The following PPP3R1 variants were observed in gnomAD, a reference collection of about 807,000 sequenced individuals.
The protein encoded by PPP3R1 is calcineurin subunit B type 1.
Under a neutral mutation model 22.6 loss-of-function variants are expected in PPP3R1, and 5 were observed. The observed-to-expected ratio is 0.22, with a 90% CI of 0.12 to 0.46. PPP3R1 has a LOEUF of 0.46. Among genes scored for constraint, PPP3R1 ranks in the 20% least tolerant of loss-of-function variants. The pLI is 0.99. For synonymous variants in PPP3R1, 56 were observed against 65.2 expected (o/e 0.86, Z 0.68); for missense variants, 61 against 203.2 (o/e 0.30, Z 4.25).
At chr2:68,196,243 G>GT (rs1674769840) in intron 2 of PPP3R1, among the ~76,000 whole-genome samples, 1 of 152,096 alleles carries the variant, frequency 6.6e-6, no homozygotes, top group Non-Finnish European at 1.5e-5. Flanking sequence ...AAGCTTTACA[G>GT]TTTTTTATAA....
chr2:68,198,059 T>G (rs1440906520), intron 2 of PPP3R1, among the ~76,000 whole-genome samples: 2 of 54,962 alleles, frequency 3.6e-5, no homozygotes, highest in Admixed American at 2.8e-4. Context: ...ACGGCACCTT[T>G]GGCAAAAAAA....
At chr2:68,224,223 A>T (rs1669741128) in intron 1 of PPP3R1, among the ~76,000 whole-genome samples, 1 of 152,198 alleles carries the variant, frequency 6.6e-6, no homozygotes, top group Non-Finnish European at 1.5e-5. Context: ...TATAGAAGAC[A>T]ATCCTAATAA....
chr2:68,252,333 G>A lies in PPP3R1; in HGVS notation c.-206C>T, dbSNP rs987975660. On this transcript the variant is annotated 5_prime_UTR_variant, in exon 1 of 6. Transcript: ENST00000234310. Reference sequence around the variant, plus strand: ...ACGCGAGGGAGCGGGCAGGGTAGGGGGAAATAAATTAAGGTCGAGATTCAG... The same window carrying A: ...ACGCGAGGGAGCGGGCAGGGTAGGGAGAAATAAATTAAGGTCGAGATTCAG... The A allele has an allele frequency of 6.9e-6, 7 of 1,015,888 alleles. No individual in the cohort carries two copies. The highest frequency in any genetic ancestry group is 1.7e-5 in the African/African-American group (1 of 57,812). The allele number at this position is 1,015,888 out of a possible 1,614,324, so 62.9% of individuals were successfully genotyped here.
intron 2 of PPP3R1, among the ~76,000 whole-genome samples, chr2:68,213,958 G>C (rs1228921295): frequency 6.6e-6 from 1 of 152,136 alleles, no homozygotes; most frequent in Non-Finnish European, 1.5e-5. Flanking sequence ...TACAAAAACA[G>C]ATATACAGAC....
chr2:68,200,154 T>C (rs1291877666), intron 2 of PPP3R1, among the ~76,000 whole-genome samples: 1 of 152,210 alleles, frequency 6.6e-6, no homozygotes, highest in Non-Finnish European at 1.5e-5. Context: ...TGCAAGGAAT[T>C]TGTCCATTTC....
intron 5 of PPP3R1, among the ~76,000 whole-genome samples, chr2:68,184,140 T>G (rs1674481168): frequency 6.6e-6 from 1 of 152,232 alleles, no homozygotes; most frequent in Admixed American, 6.5e-5. Context: ...GAGAGAGAGC[T>G]GTCCAGGGGA....
intron 1 of PPP3R1, among the ~76,000 whole-genome samples, chr2:68,223,729 A>G (rs772854301): frequency 1.3e-5 from 2 of 152,076 alleles, no homozygotes; most frequent in Non-Finnish European, 2.9e-5. Flanking sequence ...AAATTCTTCA[A>G]AAAGTGTCAT....
At chr2:68,209,864 A>C (rs1669443545) in intron 2 of PPP3R1, among the ~76,000 whole-genome samples, 1 of 152,130 alleles carries the variant, frequency 6.6e-6, no homozygotes, top group Non-Finnish European at 1.5e-5. Flanking sequence ...CTGAGAGTTG[A>C]AGGAGAATGA....
intron 2 of PPP3R1, among the ~76,000 whole-genome samples, chr2:68,203,601 CAA>C (rs35483386): frequency 1.4e-5 from 2 of 142,296 alleles, no homozygotes; most frequent in African/African-American, 2.6e-5. Context: ...AACTCTGTCT[CAA>C]AAAAAAAAAA....
intron 2 of PPP3R1, among the ~76,000 whole-genome samples, chr2:68,200,647 TTC>T (rs1674955514): frequency 6.6e-6 from 1 of 152,200 alleles, no homozygotes; most frequent in Non-Finnish European, 1.5e-5. Flanking sequence ...TTGAAATACT[TTC>T]TGATCTAATT....
At chr2:68,218,521 T>C (rs1465949722) in intron 1 of PPP3R1, among the ~76,000 whole-genome samples, 1 of 152,110 alleles carries the variant, frequency 6.6e-6, no homozygotes, top group Non-Finnish European at 1.5e-5. Flanking sequence ...CAGAGATGGA[T>C]TTCTGCTTAC....
At chr2:68,220,906 T>C (rs1669676724) in intron 1 of PPP3R1, among the ~76,000 whole-genome samples, 1 of 151,998 alleles carries the variant, frequency 6.6e-6, no homozygotes, top group Non-Finnish European at 1.5e-5. Flanking sequence ...GGAGGAATGG[T>C]GAACAATTAC....
At chr2:68,212,182 G>C (rs1297766173) in intron 2 of PPP3R1, among the ~76,000 whole-genome samples, 1 of 152,140 alleles carries the variant, frequency 6.6e-6, no homozygotes, top group African/African-American at 2.4e-5. Context: ...AGGAGTTCAA[G>C]CCATTCTTGT....
At chr2:68,221,684 A>G (rs59432169) in intron 1 of PPP3R1, among the ~76,000 whole-genome samples, 1,926 of 149,702 alleles carry the variant, frequency 0.013, 35 homozygotes, top group African/African-American at 0.045. Context: ...AGAAACATGG[A>G]AAAAAAAAAG....
At chr2:68,226,151 GGTGTT>G (rs768397174) in intron 1 of PPP3R1, among the ~76,000 whole-genome samples, 77 of 152,264 alleles carry the variant, frequency 5.1e-4, no homozygotes, top group Non-Finnish European at 1.1e-3. Context: ...TGAAAGTTAA[GGTGTT>G]GTGGGGTAGA....
intron 2 of PPP3R1, among the ~76,000 whole-genome samples, chr2:68,211,980 G>T (rs1016636682): frequency 6.6e-6 from 1 of 152,148 alleles, no homozygotes; most frequent in Non-Finnish European, 1.5e-5. Flanking sequence ...ATGAAGACTG[G>T]AATCAACTTC....
intron 1 of PPP3R1, among the ~76,000 whole-genome samples, chr2:68,241,017 AG>A (rs1263303501): frequency 6.6e-6 from 1 of 152,226 alleles, no homozygotes; most frequent in Non-Finnish European, 1.5e-5. Context: ...AACATTACAA[AG>A]AAGAAAAATG....
At chr2:68,189,856 G>A (rs1285968005) in intron 2 of PPP3R1, among the ~76,000 whole-genome samples, 10 of 151,970 alleles carry the variant, frequency 6.6e-5, no homozygotes, top group African/African-American at 2.2e-4. Flanking sequence ...GTGACAGAGT[G>A]AGACTCCATC....
chr2:68,228,864 T>C (rs1425664983), intron 1 of PPP3R1, among the ~76,000 whole-genome samples: 3 of 152,130 alleles, frequency 2.0e-5, no homozygotes, highest in Admixed American at 6.5e-5. Flanking sequence ...TGAAGCTCAA[T>C]GTATTTTTTA....
Sources: gnomAD v4.1 joint callset for allele counts (sites outside exome capture counted in the v4.1 genomes callset) on GRCh38, gnomAD v4.1.1 for gene constraint, MANE v1.5 for transcripts, NCBI Gene and HGNC (gene_info 2026-07-23, HGNC 2026-07-21) for gene names.